Variants in CDH18 observed in about 807,000 individuals in gnomAD.
CDH18 encodes cadherin-18.
Under a neutral mutation model 67.9 loss-of-function variants are expected in CDH18, and 31 were observed. The observed-to-expected ratio is 0.46, with a 90% confidence interval of 0.34 to 0.62. CDH18 has a LOEUF of 0.62. Ranked by LOEUF, CDH18 falls within the 20% of genes least tolerant of loss-of-function variation. CDH18 has a pLI of 0.01. For synonymous variants in CDH18, 362 were observed against 347.2 expected (o/e 1.04, Z -0.48); for missense variants, 890 against 975.5 (o/e 0.91, Z 1.17).
intron 1 of CDH18, among the ~76,000 whole-genome samples, chr5:20,515,985 A>C (rs1755343767): frequency 6.6e-6 from 1 of 152,044 alleles, no homozygotes; most frequent in African/African-American, 2.4e-5. Flanking sequence ...TAACGATTAC[A>C]ATGTTCATTT....
chr5:19,542,041 AC>A (rs1198754707), intron 9 of CDH18, among the ~76,000 whole-genome samples: 1 of 152,132 alleles, frequency 6.6e-6, no homozygotes, highest in African/African-American at 2.4e-5. Flanking sequence ...TCTTTAGAGA[AC>A]CCCTTTAAAA....
chr5:20,137,400 AT>A (rs1749823699), intron 2 of CDH18, among the ~76,000 whole-genome samples: 1 of 152,018 alleles, frequency 6.6e-6, no homozygotes, highest in Non-Finnish European at 1.5e-5. Context: ...TGCATGCATC[AT>A]TTAGTTCTCA....
intron 1 of CDH18, among the ~76,000 whole-genome samples, chr5:20,341,324 A>T (rs1740241289): frequency 6.6e-6 from 1 of 152,098 alleles, no homozygotes. Context: ...GAGATGAGAC[A>T]GGCCTAGCCT....
chr5:19,489,490 G>A lies in CDH18; in HGVS notation c.1631-5938C>T, dbSNP rs184567244. Among the ~76,000 whole-genome samples the A allele has an allele frequency of 3.2e-3, 490 of 151,918 alleles. 2 individuals carry two copies. Among genetic ancestry groups the A allele is most frequent in the African/African-American group, 0.011 (468 of 41,466 alleles). On this transcript the variant is annotated intron_variant, in intron 11 of 12. Transcript: ENST00000382275. Reference sequence around the variant, plus strand: ...TCTCAAACTCCTGACCTTGTGATCTGCCCCCCTTGGCCTCCCATAGTGCTG... The same window carrying A: ...TCTCAAACTCCTGACCTTGTGATCTACCCCCCTTGGCCTCCCATAGTGCTG...
intron 1 of CDH18, among the ~76,000 whole-genome samples, chr5:20,267,051 A>C (rs1298810215): frequency 6.6e-6 from 1 of 152,194 alleles, no homozygotes; most frequent in East Asian, 1.9e-4. Flanking sequence ...AGATTTGGAT[A>C]TTTTGGTCAT....
chr5:20,044,782 G>A (rs1420450113), intron 2 of CDH18, among the ~76,000 whole-genome samples: 1 of 152,098 alleles, frequency 6.6e-6, no homozygotes, highest in Non-Finnish European at 1.5e-5. Context: ...GTCTCTCTAT[G>A]TTCCAGGTTT....
At chr5:20,278,280 A>G (rs902661502) in intron 1 of CDH18, among the ~76,000 whole-genome samples, 2 of 150,944 alleles carry the variant, frequency 1.3e-5, no homozygotes, top group African/African-American at 5.0e-5. Context: ...AGAAACAAAT[A>G]ACATAGGATG....
At chr5:20,416,736 G>GA (rs1417061079) in intron 1 of CDH18, among the ~76,000 whole-genome samples, 1 of 151,986 alleles carries the variant, frequency 6.6e-6, no homozygotes, top group African/African-American at 2.4e-5. Context: ...GACTAGTAAT[G>GA]AAAAAGTCTA....
At chr5:19,480,599 G>A (rs1373872141) in intron 12 of CDH18, among the ~76,000 whole-genome samples, 2 of 151,858 alleles carry the variant, frequency 1.3e-5, no homozygotes, top group African/African-American at 2.4e-5. Context: ...GGATGGTCTC[G>A]ATCCCCTGAC....
intron 1 of CDH18, among the ~76,000 whole-genome samples, chr5:20,539,741 C>CACACACACACAA (rs1400111834): frequency 7.9e-6 from 1 of 126,594 alleles, no homozygotes; most frequent in Non-Finnish European, 1.8e-5. Context: ...ACTACACACA[C>CACACACACACAA]ACACACACAC....
intron 3 of CDH18, among the ~76,000 whole-genome samples, chr5:19,805,405 T>A (rs1777937414): frequency 6.6e-6 from 1 of 152,138 alleles, no homozygotes; most frequent in Non-Finnish European, 1.5e-5. Flanking sequence ...AAGTCCCAGT[T>A]TTCTCTTTCC....
At chr5:20,392,639 A>G (rs1744959523) in intron 1 of CDH18, among the ~76,000 whole-genome samples, 1 of 151,902 alleles carries the variant, frequency 6.6e-6, no homozygotes, top group African/African-American at 2.4e-5. Flanking sequence ...TTTGTAGCTG[A>G]TGAAGACGGG....
At chr5:20,018,416 T>A (rs1044406561) in intron 2 of CDH18, among the ~76,000 whole-genome samples, 9 of 152,202 alleles carry the variant, frequency 5.9e-5, no homozygotes, top group Admixed American at 2.6e-4. Context: ...GATTCTTTTG[T>A]CTAGTGTGGA....
In CDH18 at chr5:20,078,970, G is replaced by A. The variant is rs375636570; in HGVS notation, c.-517-86956C>T. Among the ~76,000 whole-genome samples, 27 of 152,154 alleles carry A rather than the reference G, an allele frequency of 1.8e-4. 1 individual carries two copies. The South Asian group carries it at 5.2e-3, about 29-fold the overall frequency. On this transcript the variant is annotated intron_variant, in intron 2 of 14. Coordinates refer to the CDH18 transcript ENST00000507958. ...CAAATAATAATTTTATATATTATGA[G>A]GTACAATGTGATGTTTTGAAATATG...
Position 20,320,299 on chromosome 5 carries a change from C to G in CDH18, c.-579-64794G>C, listed in dbSNP as rs1737878954. Among the ~76,000 whole-genome samples, 4 of 151,968 alleles carry G rather than the reference C, an allele frequency of 2.6e-5. No individual in the cohort carries two copies. The South Asian group carries it at 8.3e-4, about 32-fold the overall frequency. ...ATAAGGTACATTTACTTAGATAAAC[C>G]TTGGTTTTCTCTAAGAATCAGACAA... is the stretch of plus-strand genomic sequence containing the variant. On this transcript the variant is annotated intron_variant, in intron 1 of 14. Transcript: ENST00000507958.
intron 5 of CDH18, among the ~76,000 whole-genome samples, chr5:19,706,509 TG>T (rs1203246152): frequency 6.6e-6 from 1 of 152,218 alleles, no homozygotes; most frequent in Non-Finnish European, 1.5e-5. Flanking sequence ...TAATTCTCTT[TG>T]GCAAATGGAC....
chr5:19,872,395 A>T (rs1786421198), intron 2 of CDH18, among the ~76,000 whole-genome samples: 1 of 152,218 alleles, frequency 6.6e-6, no homozygotes, highest in South Asian at 2.1e-4. Context: ...AAAATTTTAC[A>T]AATTTAATTG....
intron 3 of CDH18, among the ~76,000 whole-genome samples, chr5:19,827,957 T>C (rs1233400953): frequency 7.2e-5 from 11 of 151,874 alleles, no homozygotes; most frequent in Non-Finnish European, 8.8e-5. Flanking sequence ...AAGAATAAAT[T>C]AGATTGATAG....
chr5:19,785,654 CAAAAAAAAAAAAAAAAAA>C (rs35498841), intron 3 of CDH18, among the ~76,000 whole-genome samples: 1 of 3,900 alleles, frequency 2.6e-4, no homozygotes, highest in African/African-American at 5.7e-4. Flanking sequence ...AACTCTGTCT[CAAAAAAAAAAAAAAAAAA>C]AAAAAAAATA....
Sources: gnomAD v4.1 joint callset for allele counts (sites outside exome capture counted in the v4.1 genomes callset) on GRCh38, gnomAD v4.1.1 for gene constraint, MANE v1.5 for transcripts, NCBI Gene and HGNC (gene_info 2026-07-23, HGNC 2026-07-21) for gene names.